Variants in RBM25 observed in about 807,000 individuals in gnomAD.
RBM25 encodes RNA-binding protein 25.
A neutral mutation model predicts 120.7 loss-of-function variants in RBM25; 19 were observed. That is an observed-to-expected ratio of 0.16 (90% CI 0.11 to 0.23). The LOEUF is 0.23. Ranked by LOEUF, RBM25 falls within the 10% of genes least tolerant of loss-of-function variation. The pLI, the probability that RBM25 is intolerant of heterozygous loss-of-function variation, is 1.00. For synonymous variants in RBM25, 390 were observed against 326.7 expected (o/e 1.19, Z -2.09); for missense variants, 605 against 1,041.5 (o/e 0.58, Z 5.77).
rs1454986383 is a variant in RBM25, at chr14:73,123,220, A to G, written c.*3415A>G. On this transcript the variant is annotated 3_prime_UTR_variant, in exon 19 of 19. Transcript: ENST00000261973. ...TACTAGATATAGTAGAAAAACTGAG[A>G]AAACATTTAGCTTGAGAGCCAATTT... 2.6e-5 allele frequency: 4 copies of G among 152,030 alleles called. No individual in the cohort carries two copies. The highest frequency in any genetic ancestry group is 5.9e-5 in the Non-Finnish European group (4 of 68,024). The allele number at this position is 152,030 out of a possible 1,614,324, so 9.4% of individuals were successfully genotyped here.
chr14:73,085,435 A>T (rs1249474068), intron 5 of RBM25, among the ~76,000 whole-genome samples: 1 of 148,962 alleles, frequency 6.7e-6, no homozygotes, highest in Non-Finnish European at 1.5e-5. Flanking sequence ...CTGTTTGGTA[A>T]CTTAGAGGCA....
intron 4 of RBM25, among the ~76,000 whole-genome samples, chr14:73,081,814 A>C (rs575177566): frequency 1.6e-4 from 24 of 152,316 alleles, no homozygotes; most frequent in African/African-American, 5.8e-4. Context: ...GAAGTCCCGC[A>C]TCATTCTGAA....
chr14:73,089,241 G>A (rs375575849), intron 6 of RBM25, among the ~76,000 whole-genome samples: 6 of 152,266 alleles, frequency 3.9e-5, no homozygotes, highest in African/African-American at 1.2e-4. Flanking sequence ...ACAAAATGAA[G>A]CAAAGTATAA....
intron 1 of RBM25, among the ~76,000 whole-genome samples, chr14:73,061,725 C>T (rs1360670424): frequency 1.3e-5 from 2 of 151,096 alleles, no homozygotes; most frequent in African/African-American, 2.4e-5. Flanking sequence ...CGCCACCATG[C>T]CTGGCTATTT....
intron 12 of RBM25, 61 bp from the exon 13 acceptor site, chr14:73,107,765 G>A (rs961906125): frequency 1.2e-4 from 142 of 1,225,226 alleles, no homozygotes; most frequent in Non-Finnish European, 1.6e-4. Flanking sequence ...ACACAAAAAA[G>A]GGAAGAGTAA....
Position 73,111,719 on chromosome 14 carries a change from C to T in RBM25, c.2209C>T (p.His737Tyr), listed in dbSNP as rs1896313204. 6.2e-7 allele frequency: 1 copy of T among 1,613,968 alleles called. No homozygotes were observed. Residue 737 changes from histidine to tyrosine, a missense_variant, in exon 16 of 19, where the codon CAC (histidine) becomes TAC (tyrosine). By Grantham distance (83) the His-to-Tyr change is moderately conservative. Around this residue, in one of 4 missense-constraint regions of RBM25, gnomAD observed 465 missense variants for 741.6 expected, o/e 0.63. Transcript: ENST00000261973. ...TGTAAACACTGAAGAAAAGCGTAAA[C>T]ACATTAAGAGTCTCATTGAGAAAAT... ...GTVNTEEKRK[H>Y]IKSLIEKIPT...
chr14:73,110,716 A>G (rs1456950137), intron 14 of RBM25, 115 bp from the exon 15 acceptor site: 2 of 1,283,854 alleles, frequency 1.6e-6, no homozygotes, highest in South Asian at 1.6e-5. Context: ...GGCATGAGCC[A>G]CCATACCTGG....
chr14:73,062,516 A>G (rs1328772993), intron 1 of RBM25, among the ~76,000 whole-genome samples: 1 of 151,482 alleles, frequency 6.6e-6, no homozygotes, highest in African/African-American at 2.4e-5. Flanking sequence ...GGATAAGTCT[A>G]CAATAGAGGA....
At chr14:73,064,834 T>C (rs1051254538) in intron 1 of RBM25, 2 of 151,318 alleles carry the variant, frequency 1.3e-5, no homozygotes, top group Admixed American at 6.6e-5. Context: ...AAATTTGAAG[T>C]GAATGGAATG....
At chr14:73,106,692 G>A (rs1002094554) in intron 12 of RBM25, among the ~76,000 whole-genome samples, 12 of 152,092 alleles carry the variant, frequency 7.9e-5, no homozygotes, top group Admixed American at 7.2e-4. Flanking sequence ...GAGTTGGGGG[G>A]CATTACCTTT....
chr14:73,106,254 C>A lies in RBM25; in HGVS notation c.1436C>A (p.Ala479Asp). The A allele has an allele frequency of 6.3e-7, 1 of 1,595,704 alleles. No homozygotes were observed. Among genetic ancestry groups the A allele is most frequent in the Non-Finnish European group, 8.5e-7 (1 of 1,173,654 alleles). Residue 479 changes from alanine (A) to aspartate (D), a missense_variant, in exon 12 of 19, where the codon GCT becomes GAT. Physicochemically the swap from Ala to Asp is moderately radical, Grantham distance 126 (BLOSUM62 -2). This residue lies in a region of RBM25 where 465 missense variants were observed against 741.6 expected (regional missense o/e 0.63). Transcript: ENST00000261973. ...AAAACCCGGGAATATGAGAAAGAAG[C>A]TGAAAGAGAAGAAGAAAGAAGAAGA... Reference protein sequence around the residue: ...RKKTREYEKEAEREEERRREM... With the variant: ...RKKTREYEKEDEREEERRREM...
chr14:73,120,852 G>A lies in RBM25; in HGVS notation c.*1047G>A, dbSNP rs1323946364. 1 of 152,184 alleles carries A rather than the reference G, an allele frequency of 6.6e-6. No individual in the cohort carries two copies. Among genetic ancestry groups the A allele is most frequent in the Non-Finnish European group, 1.5e-5 (1 of 68,020 alleles). The allele number at this position is 152,184 out of a possible 1,614,324, so 9.4% of individuals were successfully genotyped here. On this transcript the variant is annotated 3_prime_UTR_variant, in exon 19 of 19. Coordinates refer to ENST00000261973, the MANE Select transcript of RBM25 (RefSeq NM_021239.3). ...TGATAGGTATTCTGCTCGGCAATTT[G>A]TAAGTTTACATGTTATTTAAGGATA...
intron 2 of RBM25, among the ~76,000 whole-genome samples, chr14:73,074,546 C>T (rs1895368638): frequency 6.6e-6 from 1 of 152,068 alleles, no homozygotes; most frequent in Admixed American, 6.6e-5. Flanking sequence ...TCAGCCTGGA[C>T]AACATAGGGA....
In RBM25 at chr14:73,063,159, C is replaced by CT. The variant is rs545026277; in HGVS notation, c.-16+4462dup. 3.5e-4 allele frequency among the ~76,000 whole-genome samples: 52 copies of CT among 148,262 alleles called. No individual in the cohort carries two copies. The South Asian group carries it at 6.2e-3, about 18-fold the overall frequency. On this transcript the variant is annotated intron_variant, in intron 1 of 18. Coordinates refer to ENST00000261973, the MANE Select transcript of RBM25 (RefSeq NM_021239.3). ...TTTATTATCGTGGGCTATAGAGTTT[C>CT]TTTTTTTTGAGATGGAGTCTGGCTC...
chr14:73,121,411 T>A lies in RBM25; in HGVS notation c.*1606T>A, dbSNP rs192341436. 6.5e-6 allele frequency: 1 copy of A among 152,750 alleles called. No individual in the cohort carries two copies. Among genetic ancestry groups the A allele is most frequent in the East Asian group, 1.9e-4 (1 of 5,188 alleles). 9.5% of individuals were successfully genotyped at this position (152,750 alleles called of 1,614,324 possible). The stretch of plus-strand genomic sequence containing the variant: ...GAAAAGTTAAAAATATGGGCTGAAC[T>A]TTTTATGGACTTGATTTTTATGACT... On this transcript the variant is annotated 3_prime_UTR_variant, in exon 19 of 19. Coordinates refer to ENST00000261973, the MANE Select transcript of RBM25 (RefSeq NM_021239.3).
rs79780007 is a variant in RBM25 at position 73,097,204 on chromosome 14, T to C, written c.729+104T>C. ...GTTTTCTTTTTTCTTTTCTTTTTTT[T>C]TTTTTTTTTTTTTTGAGATGGAGGC... On this transcript the variant is annotated intron_variant, in intron 7 of 18. Transcript: ENST00000261973. 6.3e-3 allele frequency: 4,695 copies of C among 744,698 alleles called. 218 individuals are homozygous for C. Among genetic ancestry groups the C allele is most frequent in the East Asian group, 0.038 (1,033 of 27,004 alleles). 46.1% of individuals were successfully genotyped at this position (744,698 alleles called of 1,614,324 possible). A position where few individuals can be genotyped will look rare whatever the true frequency, so the allele number is the denominator to read the frequency against.
At chr14:73,076,252 A>T in intron 2 of RBM25, 67 bp from the exon 3 acceptor site, 2 of 1,267,576 alleles carry the variant, frequency 1.6e-6, no homozygotes, top group Non-Finnish European at 2.3e-6. Context: ...AAGGATACTT[A>T]ATTGTGTGGC....
rs149090131 is a variant in RBM25 at position 73,116,402 on chromosome 14, C to T, written c.2439+2069C>T. On this transcript the variant is annotated intron_variant, in intron 18 of 18. Transcript: ENST00000261973. The stretch of plus-strand genomic sequence containing the variant: ...GGAGGGACATCGTGGGGTTTATAGT[C>T]AAAAAGAAGGATTGTGAGGTCTAGC... Among the ~76,000 whole-genome samples, 10 of 152,224 alleles carry T rather than the reference C, an allele frequency of 6.6e-5. No homozygotes were observed. The East Asian group carries it at 1.7e-3, about 26-fold the overall frequency.
chr14:73,110,620 C>T (rs745911580), intron 14 of RBM25, among the ~76,000 whole-genome samples: 12 of 151,720 alleles, frequency 7.9e-5, no homozygotes, highest in Admixed American at 5.3e-4. Flanking sequence ...GTAAAGACAG[C>T]GTTTCACCAT....
Sources: allele counts gnomAD v4.1 joint callset (sites outside exome capture counted in the v4.1 genomes callset), GRCh38; gene constraint gnomAD v4.1.1; regional missense constraint gnomAD v4.1.1; transcripts MANE v1.5; gene names NCBI Gene and HGNC (gene_info 2026-07-23, HGNC 2026-07-21).